The following PKD2L2 variants were observed in gnomAD, a reference collection of about 807,000 sequenced individuals.
PKD2L2 encodes the protein polycystin 2 like 2, transient receptor potential cation channel, also known as polycystin-2-like protein 2.
Under a neutral mutation model 83.9 loss-of-function variants are expected in PKD2L2, and 67 were observed. That is an observed-to-expected ratio of 0.80 (90% CI 0.66 to 0.98). The LOEUF is 0.98. PKD2L2 is among the 50% of genes least tolerant of loss of function. PKD2L2 has a pLI of 0.00. For synonymous variants in PKD2L2, 223 were observed against 237.8 expected (o/e 0.94, Z 0.57); for missense variants, 632 against 717.2 (o/e 0.88, Z 1.36).
intron 8 of PKD2L2, among the ~76,000 whole-genome samples, chr5:137,909,189 C>T (rs1030827744): frequency 1.3e-5 from 2 of 151,984 alleles, no homozygotes; most frequent in Admixed American, 6.6e-5. Flanking sequence ...TGCACCACCA[C>T]GCTTGGTTGA....
intron 14 of PKD2L2, chr5:137,939,353 G>A (rs1761005383): frequency 1.3e-5 from 2 of 152,666 alleles, no homozygotes; most frequent in Non-Finnish European, 1.5e-5. Context: ...ACACAAATCT[G>A]AGCACCATCA....
At chr5:137,911,266 T>G (rs1757812031) in intron 8 of PKD2L2, among the ~76,000 whole-genome samples, 2 of 152,212 alleles carry the variant, frequency 1.3e-5, no homozygotes, top group African/African-American at 4.8e-5. Flanking sequence ...CAAATGCCCT[T>G]AAGTTTCATC....
At chr5:137,922,316 T>C (rs1758982753) in intron 9 of PKD2L2, among the ~76,000 whole-genome samples, 2 of 152,206 alleles carry the variant, frequency 1.3e-5, no homozygotes, top group Admixed American at 1.3e-4. Flanking sequence ...TGGGCCACAG[T>C]GAAAGGTGAG....
At chr5:137,941,374 A>G (rs747285746) in intron 14 of PKD2L2, among the ~76,000 whole-genome samples, 1 of 152,166 alleles carries the variant, frequency 6.6e-6, no homozygotes, top group Admixed American at 6.5e-5. Flanking sequence ...AACTGAACCC[A>G]AACTTCTGGC....
At chr5:137,939,858 A>G in intron 14 of PKD2L2, 1 of 1,304,456 alleles carries the variant, frequency 7.7e-7, no homozygotes. Flanking sequence ...AATTTTCTTC[A>G]GTAATGAGAA....
At chr5:137,921,799 TA>T in intron 9 of PKD2L2, 43 bp downstream of exon 9, 1 of 1,401,852 alleles carries the variant, frequency 7.1e-7, no homozygotes, top group South Asian at 1.3e-5. Context: ...CTTTTTAGAA[TA>T]AAAAGTAAAA....
chr5:137,916,478 T>C (rs13161371), intron 8 of PKD2L2, among the ~76,000 whole-genome samples: 2,369 of 121,872 alleles, frequency 0.019, 40 homozygotes, highest in African/African-American at 0.067. Context: ...TTTTCTTCTT[T>C]TTTTTTTTTT....
chr5:137,927,049 C>A (rs184149347), intron 12 of PKD2L2, among the ~76,000 whole-genome samples: 24 of 152,264 alleles, frequency 1.6e-4, no homozygotes, highest in African/African-American at 5.5e-4. Flanking sequence ...GGAGCTCAAG[C>A]TGGCCAAATT....
intron 12 of PKD2L2, among the ~76,000 whole-genome samples, chr5:137,927,603 C>T (rs184302555): frequency 8.7e-4 from 133 of 152,208 alleles, no homozygotes; most frequent in Admixed American, 2.7e-3. Flanking sequence ...GATGGTTATA[C>T]TATAATTATA....
At chr5:137,890,634 G>A in intron 2 of PKD2L2, 52 bp downstream of exon 2, 2 of 782,226 alleles carry the variant, frequency 2.6e-6, no homozygotes, top group East Asian at 5.8e-5. Context: ...AAGTTAAAAT[G>A]TGGAGATGAA....
At chr5:137,908,592 A>C (rs1370163526) in intron 7 of PKD2L2, among the ~76,000 whole-genome samples, 173 bp from the exon 8 acceptor site, 1 of 150,594 alleles carries the variant, frequency 6.6e-6, no homozygotes. Context: ...CTCCATCTCA[A>C]AAAAAAAAAA....
chr5:137,935,728 G>A, intron 12 of PKD2L2, 69 bp from the exon 13 acceptor site: 1 of 818,852 alleles, frequency 1.2e-6, no homozygotes, highest in Non-Finnish European at 2.0e-6. Context: ...ATCCTGTGAT[G>A]CTTGTGTGCC....
chr5:137,913,506 T>G lies in PKD2L2; in HGVS notation c.1328+4560T>G, dbSNP rs568069177. The stretch of plus-strand genomic sequence containing the variant: ...GCCATGGCTAATTTTTTTTTTTTTT[T>G]GGGATGGAGTCTCACTCTGTCACCC... On this transcript the variant is annotated intron_variant, in intron 8 of 14. Transcript: ENST00000508883. Among the ~76,000 whole-genome samples the G allele has an allele frequency of 4.1e-4, 62 of 150,626 alleles. 1 individual carries two copies. Among genetic ancestry groups the G allele is most frequent in the South Asian group, 2.7e-3 (13 of 4,734 alleles).
intron 8 of PKD2L2, among the ~76,000 whole-genome samples, chr5:137,916,387 G>C (rs1456593443): frequency 6.6e-6 from 1 of 151,876 alleles, no homozygotes; most frequent in Non-Finnish European, 1.5e-5. Flanking sequence ...ATGTTGGCCA[G>C]GCTGGTCTCA....
chr5:137,901,903 C>T, intron 5 of PKD2L2, among the ~76,000 whole-genome samples: 1 of 151,690 alleles, frequency 6.6e-6, no homozygotes, highest in East Asian at 1.9e-4. Context: ...CCTGAAACAA[C>T]AAATACCCGC....
intron 8 of PKD2L2, 63 bp downstream of exon 8, chr5:137,909,009 G>C: frequency 3.3e-6 from 3 of 896,072 alleles, no homozygotes; most frequent in Non-Finnish European, 5.2e-6. Context: ...AATTGGAAAG[G>C]TCTAACCTTC....
intron 2 of PKD2L2, among the ~76,000 whole-genome samples, chr5:137,892,279 G>A (rs7711114): frequency 1.3e-5 from 2 of 152,196 alleles, no homozygotes; most frequent in African/African-American, 2.4e-5. Context: ...ATAAAGAAAT[G>A]TCTGAAGAAT....
intron 8 of PKD2L2, 62 bp downstream of exon 8, chr5:137,909,008 G>C: frequency 1.1e-6 from 1 of 896,698 alleles, no homozygotes; most frequent in Admixed American, 2.6e-5. Flanking sequence ...AAATTGGAAA[G>C]GTCTAACCTT....
chr5:137,896,434 A>G (rs1255949477), intron 4 of PKD2L2, among the ~76,000 whole-genome samples: 2 of 152,072 alleles, frequency 1.3e-5, no homozygotes, highest in Non-Finnish European at 2.9e-5. Context: ...CGTTAGGGGC[A>G]GGATCTCACT....
Sources: gnomAD v4.1 joint callset for allele counts (sites outside exome capture counted in the v4.1 genomes callset) on GRCh38, gnomAD v4.1.1 for gene constraint, MANE v1.5 for transcripts, NCBI Gene and HGNC (gene_info 2026-07-23, HGNC 2026-07-21) for gene names.